Variants in GRID2 observed in about 807,000 individuals in gnomAD.
GRID2 encodes glutamate receptor ionotropic, delta-2.
GRID2 carries 33 observed loss-of-function variants against 114.8 expected under a neutral mutation model. That is an observed-to-expected ratio of 0.29 (90% confidence interval 0.22 to 0.38). The LOEUF (loss-of-function observed/expected upper bound fraction) is 0.38, where lower values mean the gene tolerates loss of function less well. Ranked by LOEUF, GRID2 falls within the 10% of genes least tolerant of loss-of-function variation. The probability of loss-of-function intolerance (pLI) is 1.00; values close to 1 mark genes in which losing one functional copy is unlikely to be tolerated. For synonymous variants in GRID2, 505 were observed against 449.9 expected (o/e 1.12, Z -1.55); for missense variants, 1,184 against 1,257.7 (o/e 0.94, Z 0.89).
chr4:92,717,613 G>A (rs899128207), intron 2 of GRID2, among the ~76,000 whole-genome samples: 9 of 152,144 alleles, frequency 5.9e-5, no homozygotes, highest in African/African-American at 2.2e-4. Context: ...CATTTTTTGA[G>A]TAATGTAATA....
At chr4:93,218,748 A>G (rs780082859) in intron 6 of GRID2, among the ~76,000 whole-genome samples, 3 of 152,294 alleles carry the variant, frequency 2.0e-5, no homozygotes, top group Non-Finnish European at 2.9e-5. Flanking sequence ...TCACACTGCC[A>G]TAAAGTACAG....
At chr4:92,762,361 T>A (rs1738059275) in intron 2 of GRID2, among the ~76,000 whole-genome samples, 1 of 152,080 alleles carries the variant, frequency 6.6e-6, no homozygotes, top group Non-Finnish European at 1.5e-5. Context: ...AGACTAAGCT[T>A]TAGTGTAGAG....
At chr4:92,474,754 G>A (rs183297084) in intron 1 of GRID2, among the ~76,000 whole-genome samples, 13 of 152,080 alleles carry the variant, frequency 8.5e-5, no homozygotes, top group Admixed American at 7.9e-4. Flanking sequence ...GTGAGGATTA[G>A]TGATGTTGAG....
intron 4 of GRID2, among the ~76,000 whole-genome samples, chr4:93,121,565 GA>G (rs1288813144): frequency 6.6e-6 from 1 of 152,096 alleles, no homozygotes; most frequent in African/African-American, 2.4e-5. Flanking sequence ...TTCTGTTGAT[GA>G]TTTTTTTACA....
intron 2 of GRID2, among the ~76,000 whole-genome samples, chr4:93,024,526 G>T (rs960843518): frequency 1.3e-5 from 2 of 151,590 alleles, no homozygotes. Context: ...TTATAGTTTA[G>T]CAGAAAGCAT....
chr4:93,561,839 T>C (rs1363004309), intron 13 of GRID2, among the ~76,000 whole-genome samples: 1 of 152,178 alleles, frequency 6.6e-6, no homozygotes, highest in African/African-American at 2.4e-5. Context: ...GTTTCCTCCA[T>C]GTCTTTTCAT....
Position 93,715,463 on chromosome 4 carries a change from T to C in GRID2, c.2361-53747T>C, listed in dbSNP as rs189821918. Among the ~76,000 whole-genome samples, 129 of 152,344 alleles carry C rather than the reference T, an allele frequency of 8.5e-4. 1 individual carries two copies. The highest frequency in any genetic ancestry group is 1.4e-3 in the Non-Finnish European group (94 of 68,032). On this transcript the variant is annotated intron_variant, in intron 14 of 15. Transcript: ENST00000282020. ...TTTCAAATAGGTTTTTCTAATTCTG[T>C]GAAGAATGTCAATGGTAGTTTAATG...
intron 4 of GRID2, among the ~76,000 whole-genome samples, chr4:93,192,800 T>G (rs1014380232): frequency 2.7e-5 from 4 of 150,578 alleles, no homozygotes; most frequent in African/African-American, 7.3e-5. Context: ...AAAATTATCC[T>G]GAGCTAACCA....
chr4:92,821,465 T>G (rs1741275735), intron 2 of GRID2, among the ~76,000 whole-genome samples: 1 of 152,208 alleles, frequency 6.6e-6, no homozygotes, highest in Admixed American at 6.6e-5. Flanking sequence ...CTGTTTGTTT[T>G]TTTTAAGTTT....
At chr4:92,882,158 T>C (rs1746069041) in intron 2 of GRID2, among the ~76,000 whole-genome samples, 1 of 152,170 alleles carries the variant, frequency 6.6e-6, no homozygotes, top group Admixed American at 6.5e-5. Context: ...AGAAAGGTGA[T>C]ATTTTTTGTC....
chr4:93,226,330 A>C (rs1745480353), intron 7 of GRID2, among the ~76,000 whole-genome samples: 1 of 152,200 alleles, frequency 6.6e-6, no homozygotes, highest in Non-Finnish European at 1.5e-5. Flanking sequence ...TTCAAAACTG[A>C]TTATCTACTT....
intron 4 of GRID2, among the ~76,000 whole-genome samples, chr4:93,116,003 G>A (rs1184495825): frequency 1.3e-5 from 2 of 152,008 alleles, no homozygotes; most frequent in South Asian, 2.1e-4. Flanking sequence ...AAATATTACT[G>A]GTTGATTTAT....
At chr4:93,467,043 T>C (rs547360156) in intron 11 of GRID2, among the ~76,000 whole-genome samples, 6 of 152,336 alleles carry the variant, frequency 3.9e-5, no homozygotes, top group Admixed American at 3.9e-4. Flanking sequence ...ATTCCCACTA[T>C]TTTATGTTAT....
intron 14 of GRID2, among the ~76,000 whole-genome samples, chr4:93,750,092 G>A (rs780622507): frequency 6.6e-6 from 1 of 152,142 alleles, no homozygotes; most frequent in Non-Finnish European, 1.5e-5. Context: ...TTGATCGAAC[G>A]CATCCTCTGT....
chr4:92,922,499 C>A (rs760460159), intron 2 of GRID2, among the ~76,000 whole-genome samples: 1 of 152,046 alleles, frequency 6.6e-6, no homozygotes, highest in Non-Finnish European at 1.5e-5. Context: ...CCCCCAGAAA[C>A]TGACACTTAA....
chr4:93,416,487 A>G (rs1767723357), intron 9 of GRID2, among the ~76,000 whole-genome samples: 1 of 152,028 alleles, frequency 6.6e-6, no homozygotes, highest in Non-Finnish European at 1.5e-5. Context: ...GCAGAATTAT[A>G]AAGAATTTCC....
intron 1 of GRID2, among the ~76,000 whole-genome samples, chr4:93,794,961 T>A (rs1276198976): frequency 6.6e-6 from 1 of 152,224 alleles, no homozygotes; most frequent in Non-Finnish European, 1.5e-5. Context: ...TACTTATTAC[T>A]GTAACCTTAT....
intron 11 of GRID2, among the ~76,000 whole-genome samples, chr4:93,480,861 G>A (rs1441021869): frequency 2.0e-5 from 3 of 152,008 alleles, no homozygotes; most frequent in African/African-American, 7.2e-5. Context: ...AGGTGACCAA[G>A]TTTCTTGGAA....
In GRID2 at chr4:93,128,027, CAAAAAAAAAAAAAAAAAAAA is replaced by C. The variant is rs1008311457; in HGVS notation, c.735+17087_735+17106del. 2.0e-4 allele frequency among the ~76,000 whole-genome samples: 4 copies of C among 20,344 alleles called. No individual in the cohort carries two copies. In the South Asian group the frequency reaches 0.012, roughly 62 times the overall value. 13.3% of individuals were successfully genotyped at this position (20,344 alleles called of 152,430 possible). A position where few individuals can be genotyped will look rare whatever the true frequency, so the allele number is the denominator to read the frequency against. ...CAGAGTAAGACCTTGTCCCCCGCAA[CAAAAAAAAAAAAAAAAAAAA>C]AAAAAAAAAAAACAACAGTACGTGC... On this transcript the variant is annotated intron_variant, in intron 4 of 15. Transcript: ENST00000282020.
Sources: gnomAD v4.1 joint callset for allele counts (sites outside exome capture counted in the v4.1 genomes callset) on GRCh38, gnomAD v4.1.1 for gene constraint, MANE v1.5 for transcripts, NCBI Gene and HGNC (gene_info 2026-07-23, HGNC 2026-07-21) for gene names.